HIPK2: variants seen among roughly 807,000 people sequenced by gnomAD.
HIPK2 encodes the protein homeodomain-interacting protein kinase 2.
A neutral mutation model predicts 113.7 loss-of-function variants in HIPK2; 27 were observed. The ratio of observed to expected loss-of-function variants is 0.24; its 90% CI spans 0.17 to 0.33. The LOEUF (loss-of-function observed/expected upper bound fraction) is 0.33, where lower values mean the gene tolerates loss of function less well. Ranked by LOEUF, HIPK2 falls within the 10% of genes least tolerant of loss-of-function variation. The pLI, the probability that HIPK2 is intolerant of heterozygous loss-of-function variation, is 1.00. For synonymous variants in HIPK2, 631 were observed against 642.2 expected (o/e 0.98, Z 0.26); for missense variants, 1,257 against 1,588.0 (o/e 0.79, Z 3.54).
chr7:139,716,489 G>A lies in HIPK2; in HGVS notation c.546C>T (p.Gly182=), dbSNP rs377690574. The A allele has an allele frequency of 1.5e-4, 238 of 1,613,854 alleles. No individual in the cohort carries two copies. The highest frequency in any genetic ancestry group is 1.9e-4 in the Non-Finnish European group (228 of 1,179,910). ...CCTCATGCTGCACCAGCTGATAGTC[G>A]CCCTCGCTGTTGGAGCCGCTGTTTT... ...TSKNSGSNSE[G]DYQLVQHEVL... Residue 182 remains glycine (G), a synonymous_variant, in exon 2 of 15, where the codon GGC becomes GGT. Coordinates refer to ENST00000406875, the MANE Select transcript of HIPK2 (RefSeq NM_022740.5). The surrounding 1 kb of genome is among the most constrained non-coding windows in gnomAD (Gnocchi z 9.3).
At chr7:139,612,479 C>G (rs1007438897) in intron 9 of HIPK2, among the ~76,000 whole-genome samples, 6 of 152,176 alleles carry the variant, frequency 3.9e-5, no homozygotes, top group Admixed American at 2.6e-4. Context: ...CTCTGATGAG[C>G]AAGTTATTCT....
At chr7:139,573,473 G>A in intron 14 of HIPK2, 76 bp from the exon 15 acceptor site, 2 of 1,361,538 alleles carry the variant, frequency 1.5e-6, no homozygotes, top group Non-Finnish European at 2.0e-6. Flanking sequence ...GGGGCAGGAG[G>A]GCAGGGAGGA....
intron 1 of HIPK2, among the ~76,000 whole-genome samples, chr7:139,760,971 C>T (rs1435661186): frequency 1.3e-5 from 2 of 152,086 alleles, no homozygotes; most frequent in African/African-American, 4.8e-5. Flanking sequence ...GGTCTCACTG[C>T]CTAAAAGTTG....
rs1794625412 is a variant in HIPK2 at position 139,698,580 on chromosome 7, T to C, written c.1103+17352A>G. On this transcript the variant is annotated intron_variant, in intron 2 of 14. Coordinates refer to ENST00000406875, the MANE Select transcript of HIPK2 (RefSeq NM_022740.5). ...TGCCATTTTACATTCGTACCAGCGA[T>C]GTAAGAGCGTTCCTGAAAAAGTTAT... Among the ~76,000 whole-genome samples, 3 of 152,250 alleles carry C rather than the reference T, an allele frequency of 2.0e-5. No homozygotes were observed. In the South Asian group the frequency reaches 6.2e-4, roughly 32 times the overall value.
intron 12 of HIPK2, among the ~76,000 whole-genome samples, chr7:139,590,103 G>A (rs894217856): frequency 6.6e-6 from 1 of 152,204 alleles, no homozygotes; most frequent in Non-Finnish European, 1.5e-5. Context: ...CTTTAGGCTC[G>A]TATCTATCGA....
intron 1 of HIPK2, among the ~76,000 whole-genome samples, chr7:139,764,143 T>A (rs1202440291): frequency 6.6e-6 from 1 of 152,214 alleles, no homozygotes; most frequent in Non-Finnish European, 1.5e-5. Context: ...GATATATGTT[T>A]AAACAGAAAC....
In HIPK2 at chr7:139,626,862, C is replaced by G. The variant is rs912666233; in HGVS notation, c.1435-77G>C. The G allele has an allele frequency of 2.7e-6, 4 of 1,505,706 alleles. No individual in the cohort carries two copies. The Admixed American group carries it at 6.8e-5, about 26-fold the overall frequency. The allele number at this position is 1,505,706 out of a possible 1,614,324, so 93.3% of individuals were successfully genotyped here. A position where few individuals can be genotyped will look rare whatever the true frequency, so the allele number is the denominator to read the frequency against. ...TCTCCTGGCTCCCCTTATTTTTTGC[C>G]CTGTAACTTCCTCCTGATCTCTCAA... On this transcript the variant is annotated intron_variant, in intron 5 of 14. Transcript: ENST00000406875.
At chr7:139,693,657 C>T (rs901640349) in intron 2 of HIPK2, among the ~76,000 whole-genome samples, 6 of 151,858 alleles carry the variant, frequency 4.0e-5, no homozygotes, top group Non-Finnish European at 7.4e-5. Context: ...CATTCCCCTT[C>T]GTCCTCTACT....
intron 1 of HIPK2, among the ~76,000 whole-genome samples, chr7:139,772,683 G>T (rs1490628951): frequency 6.6e-6 from 1 of 151,896 alleles, no homozygotes; most frequent in Non-Finnish European, 1.5e-5. Context: ...CGCCTCCTGG[G>T]TTCAAGCAAT....
chr7:139,740,502 C>T (rs1796070442), intron 1 of HIPK2, among the ~76,000 whole-genome samples: 1 of 152,212 alleles, frequency 6.6e-6, no homozygotes, highest in Non-Finnish European at 1.5e-5. Context: ...TGGTCAAAGC[C>T]TCGGAGGACT....
At chr7:139,721,096 C>T (rs1795394305) in intron 1 of HIPK2, among the ~76,000 whole-genome samples, 1 of 152,168 alleles carries the variant, frequency 6.6e-6, no homozygotes. Flanking sequence ...TCCGGCCTGG[C>T]CTGGTGTGGC....
chr7:139,575,397 G>C (rs1430325065), intron 13 of HIPK2, 109 bp from the exon 14 acceptor site: 1 of 1,305,614 alleles, frequency 7.7e-7, no homozygotes, highest in East Asian at 2.5e-5. Context: ...TGTGCCTGAG[G>C]CCGGGCAGTA....
chr7:139,749,466 T>A (rs960886878), intron 1 of HIPK2, among the ~76,000 whole-genome samples: 2 of 151,006 alleles, frequency 1.3e-5, no homozygotes, highest in Non-Finnish European at 2.9e-5. Flanking sequence ...CTTGCACAAG[T>A]GAATTTGTCT....
intron 1 of HIPK2, among the ~76,000 whole-genome samples, chr7:139,751,841 C>A (rs914586071): frequency 6.6e-6 from 1 of 152,028 alleles, no homozygotes; most frequent in Admixed American, 6.6e-5. Flanking sequence ...CTCTGAGAAA[C>A]ATGTTGAGAA....
intron 1 of HIPK2, among the ~76,000 whole-genome samples, chr7:139,754,387 T>TCC (rs557283230): frequency 8.0e-4 from 122 of 152,198 alleles, no homozygotes; most frequent in African/African-American, 2.7e-3. Context: ...GTGGAGGCCA[T>TCC]AAGGAAAAGA....
intron 1 of HIPK2, among the ~76,000 whole-genome samples, chr7:139,754,537 T>A (rs1796334052): frequency 6.6e-6 from 1 of 152,208 alleles, no homozygotes; most frequent in Admixed American, 6.5e-5. Flanking sequence ...TATATACACA[T>A]AGAAAAGCTA....
intron 2 of HIPK2, among the ~76,000 whole-genome samples, chr7:139,712,102 AGC>A (rs1341999649): frequency 1.3e-5 from 2 of 152,234 alleles, no homozygotes; most frequent in East Asian, 3.8e-4. Context: ...GAACCTGGGC[AGC>A]TGACAGTTAA....
At chr7:139,646,150 C>A (rs1801212306) in intron 2 of HIPK2, among the ~76,000 whole-genome samples, 1 of 152,062 alleles carries the variant, frequency 6.6e-6, no homozygotes, top group Non-Finnish European at 1.5e-5. Flanking sequence ...GCCACCTGAA[C>A]CTTCAACTTC....
At chr7:139,635,919 C>G (rs1050682413) in intron 2 of HIPK2, among the ~76,000 whole-genome samples, 1 of 152,230 alleles carries the variant, frequency 6.6e-6, no homozygotes, top group African/African-American at 2.4e-5. Flanking sequence ...CTAATCCCTT[C>G]GTCTCCCAGC....
Sources: gnomAD v4.1 joint callset for allele counts (sites outside exome capture counted in the v4.1 genomes callset) on GRCh38, gnomAD v4.1.1 for gene constraint, Gnocchi (gnomAD v3.1) non-coding constraint, MANE v1.5 for transcripts, NCBI Gene and HGNC (gene_info 2026-07-23, HGNC 2026-07-21) for gene names.